RGSL1: variants seen among roughly 807,000 people sequenced by gnomAD.
RGSL1 encodes the protein regulator of G protein signaling protein-like.
A neutral mutation model predicts 124.7 loss-of-function variants in RGSL1; 97 were observed. That is an observed-to-expected ratio of 0.78 (90% CI 0.66 to 0.92). The LOEUF (loss-of-function observed/expected upper bound fraction) is 0.92. Among genes scored for constraint, RGSL1 ranks in the 40% least tolerant of loss-of-function variants. The pLI, the probability that RGSL1 is intolerant of heterozygous loss-of-function variation, is 0.00. For synonymous variants in RGSL1, 424 were observed against 438.1 expected (o/e 0.97, Z 0.40); for missense variants, 1,233 against 1,288.4 (o/e 0.96, Z 0.66).
At chr1:182,462,668 T>G (rs779824528) in intron 4 of RGSL1, among the ~76,000 whole-genome samples, 7 of 152,200 alleles carry the variant, frequency 4.6e-5, no homozygotes, top group Non-Finnish European at 7.3e-5. Flanking sequence ...AGTTTATATT[T>G]TGGGGAACAC....
intron 9 of RGSL1, among the ~76,000 whole-genome samples, chr1:182,506,857 T>C (rs1294955415): frequency 2.6e-5 from 4 of 152,204 alleles, no homozygotes; most frequent in Admixed American, 1.3e-4. Context: ...ATACTTGGGA[T>C]ATCCATCACC....
chr1:182,548,670 G>T, intron 16 of RGSL1, 30 bp from the exon 17 acceptor site: 1 of 1,550,300 alleles, frequency 6.5e-7, no homozygotes, highest in Non-Finnish European at 8.7e-7. Flanking sequence ...TGGAGCCTCT[G>T]CCAGTGACAG....
upstream of RGSL1, among the ~76,000 whole-genome samples, chr1:182,449,716 T>C (rs1298204457): frequency 1.3e-5 from 2 of 152,190 alleles, no homozygotes; most frequent in Non-Finnish European, 2.9e-5. Flanking sequence ...ACAGCAGCCT[T>C]GAATTCCTGG....
intron 14 of RGSL1, among the ~76,000 whole-genome samples, chr1:182,535,501 T>C (rs1234607753): frequency 6.6e-6 from 1 of 152,172 alleles, no homozygotes; most frequent in East Asian, 1.9e-4. Flanking sequence ...CCTGTCCTTT[T>C]CTCCTAGGGA....
chr1:182,548,938 A>C, intron 17 of RGSL1, 114 bp downstream of exon 17: 1 of 1,312,040 alleles, frequency 7.6e-7, no homozygotes, highest in Non-Finnish European at 1.0e-6. Flanking sequence ...TTCTAGGGGG[A>C]ACTAAGATGG....
At chr1:182,530,655 G>T (rs1054908469) in intron 12 of RGSL1, 135 bp from the exon 13 acceptor site, 8 of 1,044,746 alleles carry the variant, frequency 7.7e-6, no homozygotes, top group Non-Finnish European at 1.1e-5. Flanking sequence ...AGTAAGAAGA[G>T]AATTTTTTAG....
At chr1:182,488,571 A>G (rs1273270714) in intron 7 of RGSL1, 1 of 489,880 alleles carries the variant, frequency 2.0e-6, no homozygotes, top group African/African-American at 2.0e-5. Context: ...CTAAAAATAC[A>G]AAAAATTAGC....
intron 9 of RGSL1, among the ~76,000 whole-genome samples, chr1:182,500,586 A>T (rs894388472): frequency 2.0e-5 from 3 of 152,178 alleles, no homozygotes; most frequent in African/African-American, 4.8e-5. Flanking sequence ...GAATCTATAG[A>T]TCATTTTGGG....
At chr1:182,463,035 T>A (rs1465126176) in intron 4 of RGSL1, among the ~76,000 whole-genome samples, 2 of 152,188 alleles carry the variant, frequency 1.3e-5, no homozygotes, top group Non-Finnish European at 2.9e-5. Flanking sequence ...GGCTCATGCC[T>A]GTAATCCCAG....
chr1:182,524,018 C>T (rs1658551753), intron 10 of RGSL1, among the ~76,000 whole-genome samples: 1 of 152,106 alleles, frequency 6.6e-6, no homozygotes, highest in African/African-American at 2.4e-5. Context: ...GAAGATACAA[C>T]ACAAAGCTAT....
intron 19 of RGSL1, among the ~76,000 whole-genome samples, chr1:182,554,398 T>C (rs897251137): frequency 2.6e-5 from 4 of 152,220 alleles, no homozygotes; most frequent in African/African-American, 9.6e-5. Flanking sequence ...ATGGCCTTCG[T>C]GTCCAGATGA....
intron 4 of RGSL1, among the ~76,000 whole-genome samples, chr1:182,461,455 G>C (rs923829193): frequency 6.6e-6 from 1 of 151,578 alleles, no homozygotes; most frequent in Non-Finnish European, 1.5e-5. Flanking sequence ...AAAAAAATCA[G>C]AAGGCACACA....
intron 4 of RGSL1, chr1:182,471,424 T>G (rs1227516557): frequency 6.6e-6 from 3 of 454,998 alleles, no homozygotes; most frequent in South Asian, 4.7e-5. Flanking sequence ...TTTTGCAAGT[T>G]CCTAATGGTT....
At chr1:182,464,140 C>T (rs1653077354) in intron 4 of RGSL1, among the ~76,000 whole-genome samples, 1 of 151,976 alleles carries the variant, frequency 6.6e-6, no homozygotes, top group Non-Finnish European at 1.5e-5. Context: ...TTAGAAAATA[C>T]TTACAGATAA....
rs1342367204 is a variant in RGSL1 at position 182,524,518 on chromosome 1, G to A, written c.1931+2409G>A. 3.3e-5 allele frequency among the ~76,000 whole-genome samples: 5 copies of A among 152,172 alleles called. No homozygotes were observed. The East Asian group carries it at 9.6e-4, about 29-fold the overall frequency. On this transcript the variant is annotated intron_variant, in intron 10 of 21. Transcript: ENST00000294854. ...CATAAAAGTAAAACTGGGAAAACCA[G>A]TCAAAAAGAATTTCAGAACTCTGTA...
At chr1:182,450,345 C>T in intron 1 of RGSL1, 167 bp downstream of exon 1, 1 of 744,414 alleles carries the variant, frequency 1.3e-6, no homozygotes, top group Middle Eastern at 2.3e-4. Flanking sequence ...CCCCTTCCTC[C>T]TACCTTCTGC....
intron 1 of RGSL1, 188 bp downstream of exon 1, chr1:182,450,366 T>C: frequency 1.4e-6 from 1 of 691,600 alleles, no homozygotes; most frequent in Non-Finnish European, 2.5e-6. Context: ...CACCAGATCT[T>C]TGAGGATAGT....
intron 9 of RGSL1, among the ~76,000 whole-genome samples, chr1:182,499,728 T>C (rs1371351175): frequency 2.6e-5 from 4 of 152,246 alleles, no homozygotes; most frequent in African/African-American, 9.6e-5. Context: ...TAGCTGGTTA[T>C]TATGCAGACT....
At chr1:182,549,044 C>T (rs557078407) in intron 17 of RGSL1, 29 of 470,648 alleles carry the variant, frequency 6.2e-5, no homozygotes, top group African/African-American at 2.9e-4. Flanking sequence ...GAGAGCCAAA[C>T]GCCTGGTTTC....
Sources: gnomAD v4.1 joint callset for allele counts (sites outside exome capture counted in the v4.1 genomes callset) on GRCh38, gnomAD v4.1.1 for gene constraint, MANE v1.5 for transcripts, NCBI Gene and HGNC (gene_info 2026-07-23, HGNC 2026-07-21) for gene names.